SPATS2L: variants seen among roughly 807,000 people sequenced by gnomAD.
The protein encoded by SPATS2L is SPATS2-like protein.
In SPATS2L, 30 loss-of-function variants were observed where a neutral mutation model predicts 59.6. The ratio of observed to expected loss-of-function variants is 0.50; its 90% CI spans 0.38 to 0.68. The LOEUF is 0.68. Among genes scored for constraint, SPATS2L ranks in the 30% least tolerant of loss-of-function variants. The pLI is 0.00. For synonymous variants in SPATS2L, 252 were observed against 263.5 expected, an observed-to-expected ratio of 0.96 and a Z score of 0.42; for missense variants, 615 against 700.0, an observed-to-expected ratio of 0.88 and a Z score of 1.37.
chr2:200,340,465 G>A (rs1482741269), intron 2 of SPATS2L, among the ~76,000 whole-genome samples: 1 of 151,988 alleles, frequency 6.6e-6, no homozygotes, highest in African/African-American at 2.4e-5. Context: ...ATATTCCTCT[G>A]CCGATTTTCC....
chr2:200,437,058 T>C (rs2084348669), intron 6 of SPATS2L, among the ~76,000 whole-genome samples: 1 of 152,192 alleles, frequency 6.6e-6, no homozygotes, highest in Non-Finnish European at 1.5e-5. Context: ...TCTGCCATGA[T>C]TGTAAGCTTC....
At chr2:200,435,724 AT>A (rs1269981044) in intron 6 of SPATS2L, among the ~76,000 whole-genome samples, 1 of 152,186 alleles carries the variant, frequency 6.6e-6, no homozygotes, top group African/African-American at 2.4e-5. Flanking sequence ...TAGAATATAA[AT>A]TAGTAGTGAT....
intron 11 of SPATS2L, among the ~76,000 whole-genome samples, chr2:200,470,535 C>T (rs1367450735): frequency 6.6e-6 from 1 of 152,152 alleles, no homozygotes; most frequent in Non-Finnish European, 1.5e-5. Context: ...CCCTATTAAG[C>T]CTTAATTAGA....
At chr2:200,364,934 CTTTGT>C (rs751289648) in intron 2 of SPATS2L, among the ~76,000 whole-genome samples, 3 of 152,118 alleles carry the variant, frequency 2.0e-5, no homozygotes, top group South Asian at 2.1e-4. Flanking sequence ...CTTATTTTTG[CTTTGT>C]TTTGTTTTGT....
intron 2 of SPATS2L, among the ~76,000 whole-genome samples, chr2:200,385,960 T>TG (rs1428535661): frequency 7.9e-5 from 12 of 152,294 alleles, no homozygotes; most frequent in African/African-American, 2.2e-4. Flanking sequence ...CCCAAAGTGC[T>TG]GGACCACAGG....
rs555932698 is a variant in SPATS2L, at chr2:200,374,532, C to A, written c.-22-14691C>A. On this transcript the variant is annotated intron_variant, in intron 2 of 12. Coordinates refer to ENST00000409140, the MANE Select transcript of SPATS2L (RefSeq NM_001100423.2). ...ATCCCCCTGTGCATGGCAATATACA[C>A]CCCCACCAAGAATAGGCATTGGGTC... Among the ~76,000 whole-genome samples the A allele has an allele frequency of 8.5e-5, 13 of 152,176 alleles. No homozygotes were observed. The South Asian group carries it at 2.5e-3, about 29-fold the overall frequency.
intron 1 of SPATS2L, 147 bp downstream of exon 1, chr2:200,307,069 G>C (rs1479135580): frequency 1.6e-6 from 1 of 629,936 alleles, no homozygotes; most frequent in Non-Finnish European, 2.0e-6. Context: ...CTCCCGGAGC[G>C]CTGGGTGTGG....
At chr2:200,328,730 T>C (rs2079837762) in intron 1 of SPATS2L, among the ~76,000 whole-genome samples, 1 of 152,230 alleles carries the variant, frequency 6.6e-6, no homozygotes, top group South Asian at 2.1e-4. Flanking sequence ...TTAAGAAATA[T>C]GTGAAGTGAT....
At chr2:200,326,274 C>T (rs1410044781) in intron 1 of SPATS2L, among the ~76,000 whole-genome samples, 1 of 152,190 alleles carries the variant, frequency 6.6e-6, no homozygotes, top group Non-Finnish European at 1.5e-5. Context: ...CCATGCCCAA[C>T]TCCTTTTCAC....
At chr2:200,344,988 T>A (rs911704221) in intron 2 of SPATS2L, among the ~76,000 whole-genome samples, 4 of 152,242 alleles carry the variant, frequency 2.6e-5, no homozygotes, top group African/African-American at 9.6e-5. Context: ...CTGCATAGTT[T>A]GCAAATATTT....
intron 2 of SPATS2L, among the ~76,000 whole-genome samples, chr2:200,347,839 G>A (rs1019813889): frequency 7.9e-5 from 12 of 152,204 alleles, no homozygotes; most frequent in African/African-American, 2.9e-4. Context: ...TTCATTTATA[G>A]TAAACGAAGT....
intron 1 of SPATS2L, among the ~76,000 whole-genome samples, chr2:200,317,654 A>G (rs2079424268): frequency 6.6e-6 from 1 of 152,168 alleles, no homozygotes; most frequent in Admixed American, 6.5e-5. Flanking sequence ...ATTTGTGAAA[A>G]TATTCATCTG....
At chr2:200,369,368 A>G (rs892682265) in intron 2 of SPATS2L, among the ~76,000 whole-genome samples, 1 of 152,156 alleles carries the variant, frequency 6.6e-6, no homozygotes, top group Non-Finnish European at 1.5e-5. Context: ...CATGTTGGCC[A>G]AGCTGGTCTT....
chr2:200,440,539 C>CA (rs1427861759), intron 7 of SPATS2L, 110 bp from the exon 8 acceptor site: 2 of 1,087,240 alleles, frequency 1.8e-6, no homozygotes, highest in African/African-American at 3.2e-5. Flanking sequence ...TTTTACTAGA[C>CA]AAAAGATGAG....
At chr2:200,417,231 G>A (rs1412869187) in intron 5 of SPATS2L, among the ~76,000 whole-genome samples, 1 of 152,078 alleles carries the variant, frequency 6.6e-6, no homozygotes, top group African/African-American at 2.4e-5. Flanking sequence ...CTGCAAAACA[G>A]GTTCTGAACA....
chr2:200,310,467 A>G (rs748914207), intron 1 of SPATS2L, among the ~76,000 whole-genome samples: 1 of 152,166 alleles, frequency 6.6e-6, no homozygotes, highest in Admixed American at 6.5e-5. Context: ...TTTCTAGGAT[A>G]ATTATAGTCT....
At chr2:200,448,674 A>G (rs1366305311) in intron 8 of SPATS2L, among the ~76,000 whole-genome samples, 1 of 152,170 alleles carries the variant, frequency 6.6e-6, no homozygotes, top group Admixed American at 6.5e-5. Flanking sequence ...CTTCTCATCA[A>G]GTAGTTTTTC....
intron 5 of SPATS2L, 74 bp from the exon 6 acceptor site, chr2:200,419,176 T>G: frequency 7.0e-7 from 1 of 1,431,540 alleles, no homozygotes; most frequent in Non-Finnish European, 9.3e-7. Context: ...ATATCTTATT[T>G]TCATCTCTCA....
chr2:200,443,970 G>A (rs770413897), intron 8 of SPATS2L, among the ~76,000 whole-genome samples: 41 of 152,306 alleles, frequency 2.7e-4, no homozygotes, highest in Non-Finnish European at 4.6e-4. Flanking sequence ...ATACAGTTAC[G>A]TAGGCTGCAT....
Sources: gnomAD v4.1 joint callset for allele counts (sites outside exome capture counted in the v4.1 genomes callset) on GRCh38, gnomAD v4.1.1 for gene constraint, MANE v1.5 for transcripts, NCBI Gene and HGNC (gene_info 2026-07-23, HGNC 2026-07-21) for gene names.